MZT2B: variants seen among roughly 807,000 people sequenced by gnomAD.
MZT2B encodes mitotic-spindle organizing protein 2B.
MZT2B carries 11 observed loss-of-function variants against 12.1 expected under a neutral mutation model. That is an observed-to-expected ratio of 0.91 (90% CI 0.57 to 1.50). The LOEUF is 1.50. MZT2B is among the 40% of genes most tolerant of loss of function. The pLI is 0.00. For missense variants in MZT2B, 209 were observed against 227.7 expected (o/e 0.92, Z 0.53); for synonymous variants, 85 against 109.5 (o/e 0.78, Z 1.40).
At chr2:130,200,709 C>CCAAT in the MZT2B span, among the ~76,000 whole-genome samples, 4 of 152,298 alleles carry the variant, frequency 2.6e-5, no homozygotes, top group Admixed American at 2.6e-4. Flanking sequence ...GAGTCAGGAC[C>CCAAT]CAATACCCAT....
downstream of MZT2B, among the ~76,000 whole-genome samples, chr2:130,194,866 T>C (rs963710343): frequency 2.0e-5 from 3 of 152,102 alleles, no homozygotes; most frequent in Non-Finnish European, 4.4e-5. Context: ...TTAGTAGACA[T>C]AGAGTTTCAC....
chr2:130,187,827 T>C (rs1235669149), intron 2 of MZT2B, among the ~76,000 whole-genome samples: 2 of 152,158 alleles, frequency 1.3e-5, no homozygotes, highest in African/African-American at 2.4e-5. Context: ...GTATCAGTTA[T>C]GGCTTAAAGT....
chr2:130,181,732 A>T (rs1277140012), upstream of MZT2B: 1 of 1,548,788 alleles, frequency 6.5e-7, no homozygotes, highest in Non-Finnish European at 8.7e-7. Context: ...GCGAGGCAGG[A>T]GTGCGGGGGA....
In MZT2B at chr2:130,182,699, C is replaced by G. The variant is rs1198873180; in HGVS notation, c.243C>G (p.Ala81=). 1 of 1,546,858 alleles carries G rather than the reference C, an allele frequency of 6.5e-7. No homozygotes were observed. Residue 81 remains alanine (A), a synonymous_variant, in exon 2 of 3, where the codon GCC becomes GCG. Transcript: ENST00000281871. ...AVFQMLKSMC[A]GQRLASEPQD... is the part of the protein sequence containing the mutation. ...TCCAGATGCTCAAGTCCATGTGTGC[C>G]GGGCAGAGGCTAGCGAGCGAGCCCC...
upstream of MZT2B, chr2:130,182,060 C>A: frequency 1.5e-6 from 2 of 1,345,326 alleles, no homozygotes; most frequent in South Asian, 1.6e-5. Flanking sequence ...CCCTGCGGTC[C>A]GCCATGCCAC....
the MZT2B span, among the ~76,000 whole-genome samples, chr2:130,201,991 A>G: frequency 6.6e-6 from 1 of 152,236 alleles, no homozygotes; most frequent in South Asian, 2.1e-4. Flanking sequence ...TGACTGCAAT[A>G]TTTATTTTTC....
chr2:130,184,608 C>G, intron 2 of MZT2B: 1 of 985,378 alleles, frequency 1.0e-6, no homozygotes. Flanking sequence ...CCACCCAGAG[C>G]TCGGACCCAA....
At chr2:130,181,853 G>GCCCCCCCCGTGC, upstream of MZT2B, 1 of 1,527,000 alleles carries the variant, frequency 6.5e-7, no homozygotes, top group Non-Finnish European at 8.8e-7. Context: ...GTTGATTAGT[G>GCCCCCCCCGTGC]CCCCCCCCTT....
intron 2 of MZT2B, among the ~76,000 whole-genome samples, chr2:130,189,591 G>A (rs924524332): frequency 6.6e-6 from 1 of 152,170 alleles, no homozygotes; most frequent in Non-Finnish European, 1.5e-5. Context: ...CTCCACATGG[G>A]GGTCTGTGAC....
chr2:130,202,147 A>G, the MZT2B span, among the ~76,000 whole-genome samples: 3 of 152,172 alleles, frequency 2.0e-5, no homozygotes, highest in African/African-American at 7.2e-5. Flanking sequence ...CTTGCAGTAA[A>G]CAGTGTTTCT....
chr2:130,195,047 G>T (rs1411201293), downstream of MZT2B: 8 of 1,610,410 alleles, frequency 5.0e-6, no homozygotes, highest in Non-Finnish European at 6.8e-6. Flanking sequence ...TCCCATGCAA[G>T]ACAATGGCCA....
At chr2:130,198,551 C>G in the MZT2B span, 3 of 658,314 alleles carry the variant, frequency 4.6e-6, no homozygotes, top group South Asian at 4.5e-5. Flanking sequence ...TTGGCCGTTG[C>G]TCAACACGTG....
At chr2:130,183,998 G>T in intron 2 of MZT2B, 3 of 1,550,460 alleles carry the variant, frequency 1.9e-6, no homozygotes, top group Non-Finnish European at 2.6e-6. Flanking sequence ...CTGGGGGTTG[G>T]TGCTCTCCCT....
At chr2:130,200,172 G>T in the MZT2B span, among the ~76,000 whole-genome samples, 1 of 151,712 alleles carries the variant, frequency 6.6e-6, no homozygotes, top group Non-Finnish European at 1.5e-5. Context: ...CAGGCGGATC[G>T]CGAGGTCAGG....
Position 130,182,297 on chromosome 2 carries a change from C to A in MZT2B, c.15C>A (p.Gly5=). The change falls in exon 1 of 3, where the codon GGC becomes GGA. Residue 5 remains glycine (G), a synonymous_variant. Transcript: ENST00000281871. MAAQ[G]VGPGPGSAAP... ...GGGCCGCGGGGATGGCGGCGCAGGG[C>A]GTAGGGCCTGGGCCGGGGTCGGCGG... 1.4e-6 allele frequency: 2 copies of A among 1,467,710 alleles called. No individual in the cohort carries two copies. The highest frequency in any genetic ancestry group is 1.3e-5 in the South Asian group (1 of 75,704). 90.9% of individuals were successfully genotyped at this position (1,467,710 alleles called of 1,614,324 possible). A position where few individuals can be genotyped will look rare whatever the true frequency, so the allele number is the denominator to read the frequency against.
downstream of MZT2B, chr2:130,191,898 T>C (rs1021010415): frequency 1.9e-6 from 3 of 1,613,932 alleles, no homozygotes; most frequent in African/African-American, 4.0e-5. Context: ...ACAATCCTTC[T>C]CTAGAGCTGC....
the MZT2B span, among the ~76,000 whole-genome samples, chr2:130,199,485 G>A: frequency 3.3e-5 from 4 of 122,758 alleles, 1 homozygote; most frequent in Non-Finnish European, 5.4e-5. Flanking sequence ...GGGAGGCAGA[G>A]GTTACAGTGA....
chr2:130,189,209 T>G (rs2104738480), intron 2 of MZT2B, among the ~76,000 whole-genome samples: 1 of 152,048 alleles, frequency 6.6e-6, no homozygotes, highest in East Asian at 1.9e-4. Context: ...AGGAAAGAGG[T>G]TGTGCCTAGG....
chr2:130,193,882 C>G, downstream of MZT2B: 2 of 1,614,248 alleles, frequency 1.2e-6, no homozygotes, highest in Non-Finnish European at 1.7e-6. Context: ...CCACGTCCCC[C>G]CTGTACAACA....
Sources: allele counts gnomAD v4.1 joint callset (sites outside exome capture counted in the v4.1 genomes callset), GRCh38; gene constraint gnomAD v4.1.1; transcripts MANE v1.5; gene names NCBI Gene and HGNC (gene_info 2026-07-23, HGNC 2026-07-21).